Variants in TENM3 observed in about 807,000 individuals in gnomAD.
The protein encoded by TENM3 is teneurin-3.
TENM3 carries 63 observed loss-of-function variants against 255.1 expected under a neutral mutation model. The ratio of observed to expected loss-of-function variants is 0.25; its 90% CI spans 0.20 to 0.30. The LOEUF (loss-of-function observed/expected upper bound fraction) is 0.30, where lower values mean the gene tolerates loss of function less well. TENM3 is among the 10% of genes least tolerant of loss of function. The pLI is 1.00. For synonymous variants in TENM3, 1,306 were observed against 1,322.3 expected, an observed-to-expected ratio of 0.99 and a Z score of 0.27; for missense variants, 2,929 against 3,461.1, an observed-to-expected ratio of 0.85 and a Z score of 3.86.
At chr4:182,559,696 T>C (rs1432690276) in intron 3 of TENM3, among the ~76,000 whole-genome samples, 1 of 152,194 alleles carries the variant, frequency 6.6e-6, no homozygotes, top group Non-Finnish European at 1.5e-5. Context: ...CATTTTAAGC[T>C]TTATTTCATT....
At chr4:181,769,895 G>C in the TENM3 span, among the ~76,000 whole-genome samples, 2 of 152,122 alleles carry the variant, frequency 1.3e-5, no homozygotes, top group Non-Finnish European at 2.9e-5. Context: ...TAAATTTATA[G>C]AGCCTAAAAC....
At chr4:182,253,428 G>T (rs903946960) in intron 1 of TENM3, among the ~76,000 whole-genome samples, 1 of 152,086 alleles carries the variant, frequency 6.6e-6, no homozygotes, top group Non-Finnish European at 1.5e-5. Context: ...AGCTGAGATC[G>T]CACCACTGCA....
chr4:182,721,572 CT>C (rs1759737512), intron 13 of TENM3, among the ~76,000 whole-genome samples: 1 of 152,026 alleles, frequency 6.6e-6, no homozygotes, highest in Non-Finnish European at 1.5e-5. Context: ...GCATATGAAT[CT>C]TTGTGTAAAT....
At chr4:181,856,133 G>GAAGGA in the TENM3 span, among the ~76,000 whole-genome samples, 497 of 132,378 alleles carry the variant, frequency 3.8e-3, 12 homozygotes, top group East Asian at 0.045. Flanking sequence ...AGGAAAGAAG[G>GAAGGA]AAGAAGGAAG....
At chr4:181,691,686 G>T in the TENM3 span, among the ~76,000 whole-genome samples, 1 of 152,088 alleles carries the variant, frequency 6.6e-6, no homozygotes, top group Non-Finnish European at 1.5e-5. Context: ...ATTATACAAT[G>T]TGATCAACCA....
At chr4:181,959,358 C>A in the TENM3 span, among the ~76,000 whole-genome samples, 1 of 152,248 alleles carries the variant, frequency 6.6e-6, no homozygotes, top group East Asian at 1.9e-4. Flanking sequence ...TGGGGGCAGC[C>A]TCTGTTTGGA....
chr4:182,165,781 G>A (rs1169404149), intron 1 of TENM3, among the ~76,000 whole-genome samples: 1 of 152,046 alleles, frequency 6.6e-6, no homozygotes, highest in Non-Finnish European at 1.5e-5. Context: ...TGTAAAAGCA[G>A]TTTTTTGTTT....
intron 5 of TENM3, among the ~76,000 whole-genome samples, chr4:182,651,689 T>G (rs1010374928): frequency 2.8e-5 from 4 of 142,108 alleles, no homozygotes; most frequent in Non-Finnish European, 6.3e-5. Flanking sequence ...AGAGCGAGAC[T>G]CCGTCTCAGA....
At chr4:182,134,614 A>G in the TENM3 span, among the ~76,000 whole-genome samples, 1 of 152,318 alleles carries the variant, frequency 6.6e-6, no homozygotes, top group South Asian at 2.1e-4. Context: ...CAGGGCTAAG[A>G]AAGAAGTGTT....
chr4:182,367,516 C>T (rs776903266), intron 3 of TENM3, among the ~76,000 whole-genome samples: 2 of 152,044 alleles, frequency 1.3e-5, no homozygotes, highest in Non-Finnish European at 2.9e-5. Context: ...GGCGTCACAT[C>T]GTGAATAGAG....
the TENM3 span, among the ~76,000 whole-genome samples, chr4:181,923,375 T>G: frequency 7.2e-3 from 1,098 of 152,152 alleles, 13 homozygotes; most frequent in African/African-American, 0.025. Context: ...ACAGAAAACT[T>G]TAGAGTTTGG....
the TENM3 span, among the ~76,000 whole-genome samples, chr4:181,913,734 GA>G: frequency 6.6e-6 from 1 of 152,128 alleles, no homozygotes; most frequent in Non-Finnish European, 1.5e-5. Flanking sequence ...CTTTAAAATG[GA>G]GAACAAAGAA....
chr4:181,852,963 T>C, the TENM3 span, among the ~76,000 whole-genome samples: 1 of 152,164 alleles, frequency 6.6e-6, no homozygotes, highest in African/African-American at 2.4e-5. Flanking sequence ...ACAATAAGAA[T>C]AAATAATAAA....
intron 3 of TENM3, among the ~76,000 whole-genome samples, chr4:182,399,418 T>C (rs1769076039): frequency 6.6e-6 from 1 of 152,220 alleles, no homozygotes; most frequent in Non-Finnish European, 1.5e-5. Flanking sequence ...TAGCAGTGGC[T>C]ACCTTTGAAT....
intron 1 of TENM3, among the ~76,000 whole-genome samples, chr4:182,285,829 G>C (rs17072978): frequency 0.029 from 4,408 of 151,836 alleles, 221 homozygotes; most frequent in African/African-American, 0.1. Context: ...ATGGACCAAG[G>C]CTGGACCAAA....
the TENM3 span, among the ~76,000 whole-genome samples, chr4:181,948,931 G>A: frequency 6.6e-6 from 1 of 152,094 alleles, no homozygotes; most frequent in East Asian, 1.9e-4. Context: ...TGCTAGTGCA[G>A]GAGGGGAGGA....
chr4:182,569,139 A>C (rs893884521), intron 3 of TENM3, among the ~76,000 whole-genome samples: 1 of 152,220 alleles, frequency 6.6e-6, no homozygotes, highest in Admixed American at 6.5e-5. Flanking sequence ...ACTGTACTGT[A>C]TGTTAATTAC....
At chr4:182,635,954 G>A (rs969381151) in intron 5 of TENM3, among the ~76,000 whole-genome samples, 1 of 152,156 alleles carries the variant, frequency 6.6e-6, no homozygotes, top group African/African-American at 2.4e-5. Context: ...TGAAAAATCA[G>A]CCATTTAACT....
chr4:181,846,300 A>C, the TENM3 span, among the ~76,000 whole-genome samples: 2 of 152,204 alleles, frequency 1.3e-5, no homozygotes, highest in Non-Finnish European at 2.9e-5. Flanking sequence ...TGAAAAAAAT[A>C]TAGAATACTG....
Sources: allele counts gnomAD v4.1 joint callset (sites outside exome capture counted in the v4.1 genomes callset), GRCh38; gene constraint gnomAD v4.1.1; transcripts MANE v1.5; gene names NCBI Gene and HGNC (gene_info 2026-07-23, HGNC 2026-07-21).